Variants in MTHFSD observed in about 807,000 individuals in gnomAD.
MTHFSD encodes the protein methenyltetrahydrofolate synthetase domain containing.
MTHFSD carries 37 observed loss-of-function variants against 31.1 expected under a neutral mutation model. The observed-to-expected ratio is 1.19, with a 90% confidence interval of 0.91 to 1.56. The LOEUF (loss-of-function observed/expected upper bound fraction) is 1.56. Among genes scored for constraint, MTHFSD ranks in the 40% most tolerant of loss-of-function variants. The probability of loss-of-function intolerance (pLI) is 0.00; values close to 1 mark genes in which losing one functional copy is unlikely to be tolerated. For missense variants in MTHFSD, 664 were observed against 510.1 expected (o/e 1.30, Z -2.91); for synonymous variants, 221 against 206.9 (o/e 1.07, Z -0.59).
intron 3 of MTHFSD, 118 bp downstream of exon 3, chr16:86,551,915 G>A: frequency 6.0e-6 from 9 of 1,510,200 alleles, no homozygotes; most frequent in Non-Finnish European, 7.9e-6. Flanking sequence ...CTGTATTGGA[G>A]GGAATCGGAA....
At chr16:86,541,918 A>T in intron 6 of MTHFSD, 96 bp from the exon 7 acceptor site, 1 of 1,532,632 alleles carries the variant, frequency 6.5e-7, no homozygotes, top group Non-Finnish European at 8.9e-7. Context: ...TGGCTAGAGA[A>T]GCACCCCCAA....
rs577129060 is a variant in MTHFSD, at chr16:86,555,166, C to T, written c.16+3G>A. 72 of 1,536,776 alleles carry T rather than the reference C, an allele frequency of 4.7e-5. No homozygotes were observed. The highest frequency in any genetic ancestry group is 5.9e-5 in the South Asian group (5 of 84,076). ...CGCCCCGGAGCCCCGCCAGGCCCCCCACCTGCCCTCGGCTCCATGGTGATG... is the reference window on the plus strand; with the variant it reads ...CGCCCCGGAGCCCCGCCAGGCCCCCTACCTGCCCTCGGCTCCATGGTGATG... On this transcript the variant is annotated splice_donor_region_variant and intron_variant, in intron 1 of 7. Transcript: ENST00000360900.
At chr16:86,548,601 A>G in intron 3 of MTHFSD, 24 bp from the exon 4 acceptor site, 1 of 1,562,444 alleles carries the variant, frequency 6.4e-7, no homozygotes, top group African/African-American at 1.4e-5. Flanking sequence ...GACAATCAAT[A>G]AATTACAAAA....
At chr16:86,549,687 A>C (rs1972856414) in intron 3 of MTHFSD, among the ~76,000 whole-genome samples, 1 of 152,260 alleles carries the variant, frequency 6.6e-6, no homozygotes, top group Non-Finnish European at 1.5e-5. Context: ...ACCGAGGTCT[A>C]GACCTCACTC....
At chr16:86,550,017 T>C (rs151272854) in intron 3 of MTHFSD, among the ~76,000 whole-genome samples, 1,544 of 152,116 alleles carry the variant, frequency 0.01, 23 homozygotes, top group African/African-American at 0.035. Context: ...CCACTGTGCC[T>C]GTAGCTGTGG....
chr16:86,546,247 A>G (rs1392997210), intron 5 of MTHFSD, among the ~76,000 whole-genome samples: 1 of 152,246 alleles, frequency 6.6e-6, no homozygotes, highest in Non-Finnish European at 1.5e-5. Flanking sequence ...ATTTACTGAC[A>G]TACTGAAAAG....
At position 86,548,455 on chromosome 16, in the gene MTHFSD, G is replaced by C. The variant is rs772448153; in HGVS notation, c.351+9C>G. On this transcript the variant is annotated intron_variant, in intron 4 of 7. Transcript: ENST00000360900. Reference sequence around the variant, plus strand: ...TTTCCTAGGTGGGGACATTGCTTCTGGTACTTACCTGAGAGGTGGCACATT... The same window carrying C: ...TTTCCTAGGTGGGGACATTGCTTCTCGTACTTACCTGAGAGGTGGCACATT... 1.2e-6 allele frequency: 2 copies of C among 1,607,262 alleles called. No homozygotes were observed.
chr16:86,538,350 T>G (rs1436440622), intron 7 of MTHFSD, among the ~76,000 whole-genome samples: 1 of 152,128 alleles, frequency 6.6e-6, no homozygotes, highest in Non-Finnish European at 1.5e-5. Flanking sequence ...GACCCGGGTC[T>G]CCCCACAGAG....
Position 86,531,977 on chromosome 16 carries a change from G to C in MTHFSD, c.*34C>G, listed in dbSNP as rs778475388. The C allele has an allele frequency of 6.6e-6, 9 of 1,362,080 alleles. No individual in the cohort carries two copies. Among genetic ancestry groups the C allele is most frequent in the African/African-American group, 1.5e-5 (1 of 67,276 alleles). The allele number at this position is 1,362,080 out of a possible 1,614,324, so 84.4% of individuals were successfully genotyped here. ...CGGAGCGGCAGGGGACGGGGATGGCGAGTCTGCAGTGAGCTCCGTGGCTGT... is the reference window on the plus strand; with the variant it reads ...CGGAGCGGCAGGGGACGGGGATGGCCAGTCTGCAGTGAGCTCCGTGGCTGT... On this transcript the variant is annotated 3_prime_UTR_variant, in exon 8 of 8. Coordinates refer to ENST00000360900, the MANE Select transcript of MTHFSD (RefSeq NM_001159377.2). The surrounding 1 kb of genome is among the most constrained non-coding windows in gnomAD (Gnocchi z 5.5).
At chr16:86,533,513 A>C (rs769921022) in intron 7 of MTHFSD, 8 of 152,262 alleles carry the variant, frequency 5.3e-5, no homozygotes, top group Non-Finnish European at 1.0e-4. Context: ...ACAGAAGTGA[A>C]TATGTCGCAG....
chr16:86,546,476 A>T, intron 5 of MTHFSD, 83 bp downstream of exon 5: 1 of 1,242,408 alleles, frequency 8.0e-7, no homozygotes, highest in Non-Finnish European at 1.2e-6. Flanking sequence ...ACCACTGGCG[A>T]CTTTTGAAAG....
At chr16:86,539,873 C>T (rs1971247062) in intron 7 of MTHFSD, among the ~76,000 whole-genome samples, 1 of 152,064 alleles carries the variant, frequency 6.6e-6, no homozygotes, top group African/African-American at 2.4e-5. Flanking sequence ...TATAATGCAT[C>T]CCAGATATTC....
chr16:86,542,360 G>T lies in MTHFSD; in HGVS notation c.443-147C>A. On this transcript the variant is annotated intron_variant, in intron 5 of 7. Coordinates refer to ENST00000360900, the MANE Select transcript of MTHFSD (RefSeq NM_001159377.2). The surrounding 1 kb of genome is among the most constrained non-coding windows in gnomAD (Gnocchi z 4.6). The stretch of plus-strand genomic sequence containing the variant: ...ATTTTCACAGAAATGCCCACCAAAT[G>T]CCCACAAGCAGCCCACACTGACGAT... The T allele has an allele frequency of 1.5e-6, 1 of 657,198 alleles. No homozygotes were observed. Among genetic ancestry groups the T allele is most frequent in the Non-Finnish European group, 2.6e-6 (1 of 388,460 alleles). 40.7% of individuals were successfully genotyped at this position (657,198 alleles called of 1,614,324 possible). A position where few individuals can be genotyped will look rare whatever the true frequency, so the allele number is the denominator to read the frequency against.
Position 86,541,787 on chromosome 16 carries a change from G to A in MTHFSD, c.591C>T (p.His197=), listed in dbSNP as rs773127481. 3.8e-5 allele frequency: 61 copies of A among 1,614,064 alleles called. No individual in the cohort carries two copies. The highest frequency in any genetic ancestry group is 4.4e-5 in the South Asian group (4 of 91,072). ...TGAGGATGTAGTCCACAGTGATGTC[G>A]TGCTCCTCAACAAGCTCTTCAGGGA... ...VDIPEELVEE[H]DITVDYILTP... Residue 197 remains histidine (H), a synonymous_variant, in exon 7 of 8, where the codon CAC becomes CAT. Coordinates refer to ENST00000360900, the MANE Select transcript of MTHFSD (RefSeq NM_001159377.2).
At chr16:86,543,828 A>G (rs571388460) in intron 5 of MTHFSD, among the ~76,000 whole-genome samples, 50 of 152,290 alleles carry the variant, frequency 3.3e-4, no homozygotes, top group African/African-American at 1.2e-3. Flanking sequence ...CTTCATCTGT[A>G]TTTACAGCCG....
chr16:86,552,282 T>C (rs962749008), intron 2 of MTHFSD, 136 bp from the exon 3 acceptor site: 3 of 1,581,442 alleles, frequency 1.9e-6, no homozygotes, highest in East Asian at 2.3e-5. Context: ...CTCGGCAGCA[T>C]GAGAAGCGCC....
chr16:86,532,655 G>A (rs933998782), intron 7 of MTHFSD, 174 bp from the exon 8 acceptor site: 3 of 430,676 alleles, frequency 7.0e-6, no homozygotes, highest in Non-Finnish European at 8.0e-6. Context: ...TCACACAGAC[G>A]ATGTCACCAG....
chr16:86,555,117 C>T (rs1252807728), intron 1 of MTHFSD, 52 bp downstream of exon 1: 1 of 1,529,248 alleles, frequency 6.5e-7, no homozygotes, highest in Non-Finnish European at 8.8e-7. Context: ...TCACCGGTCC[C>T]GGCTGTCCCT....
At chr16:86,550,796 C>G (rs1311039982) in intron 3 of MTHFSD, among the ~76,000 whole-genome samples, 1 of 152,168 alleles carries the variant, frequency 6.6e-6, no homozygotes, top group Non-Finnish European at 1.5e-5. Context: ...TCTGGAAGAG[C>G]CTACATGGAA....
Sources: allele counts gnomAD v4.1 joint callset (sites outside exome capture counted in the v4.1 genomes callset), GRCh38; gene constraint gnomAD v4.1.1; non-coding constraint Gnocchi (gnomAD v3.1); transcripts MANE v1.5; gene names NCBI Gene and HGNC (gene_info 2026-07-23, HGNC 2026-07-21).